Variants in IMMP2L observed in about 807,000 individuals in gnomAD.
IMMP2L encodes the protein inner mitochondrial membrane peptidase subunit 2.
A neutral mutation model predicts 19.3 loss-of-function variants in IMMP2L; 18 were observed. The ratio of observed to expected loss-of-function variants is 0.93; its 90% confidence interval spans 0.64 to 1.38. The LOEUF is 1.38. IMMP2L is among the 40% of genes most tolerant of loss of function. IMMP2L has a pLI of 0.00. For missense variants in IMMP2L, 233 were observed against 218.2 expected (o/e 1.07, Z -0.43); for synonymous variants, 76 against 73.0 (o/e 1.04, Z -0.21).
At chr7:111,501,965 C>T (rs568742956) in intron 2 of IMMP2L, among the ~76,000 whole-genome samples, 1 of 152,220 alleles carries the variant, frequency 6.6e-6, no homozygotes, top group South Asian at 2.1e-4. Flanking sequence ...CAAATTCACA[C>T]ATAACAATAT....
At chr7:111,496,371 T>C (rs1843593891) in intron 2 of IMMP2L, among the ~76,000 whole-genome samples, 1 of 152,112 alleles carries the variant, frequency 6.6e-6, no homozygotes, top group African/African-American at 2.4e-5. Context: ...CCCCTTCTGA[T>C]GGTTAATTTT....
At chr7:110,891,818 C>T (rs1563058843) in intron 4 of IMMP2L, among the ~76,000 whole-genome samples, 1 of 151,990 alleles carries the variant, frequency 6.6e-6, no homozygotes, top group East Asian at 1.9e-4. Context: ...GAATTCAATA[C>T]AGAGAGCTAA....
intron 2 of IMMP2L, among the ~76,000 whole-genome samples, chr7:111,501,601 C>T (rs1384479623): frequency 6.6e-6 from 1 of 152,150 alleles, no homozygotes; most frequent in Non-Finnish European, 1.5e-5. Flanking sequence ...CAAAGGGAAG[C>T]CCATCAGACA....
intron 5 of IMMP2L, among the ~76,000 whole-genome samples, chr7:110,867,661 T>G (rs1382668408): frequency 2.0e-5 from 3 of 151,980 alleles, no homozygotes; most frequent in Non-Finnish European, 4.4e-5. Context: ...TTCTTTGCCC[T>G]CATCTCTAGA....
chr7:111,358,765 T>C (rs975351388), intron 3 of IMMP2L, among the ~76,000 whole-genome samples: 7 of 152,092 alleles, frequency 4.6e-5, no homozygotes, highest in Non-Finnish European at 1.0e-4. Context: ...TATGCTGTTA[T>C]AGCAACCAAG....
At chr7:110,973,934 A>C (rs765922707) in intron 3 of IMMP2L, among the ~76,000 whole-genome samples, 10 of 152,118 alleles carry the variant, frequency 6.6e-5, no homozygotes, top group Non-Finnish European at 1.0e-4. Flanking sequence ...ATTAAGTCAA[A>C]ATGGGGCCAA....
chr7:111,476,010 G>A (rs1841688352), intron 3 of IMMP2L, among the ~76,000 whole-genome samples: 1 of 151,784 alleles, frequency 6.6e-6, no homozygotes, highest in South Asian at 2.1e-4. Context: ...ATATCCTGAG[G>A]GATTAATTCT....
At chr7:110,817,015 T>C (rs1802586441) in intron 5 of IMMP2L, among the ~76,000 whole-genome samples, 2 of 152,164 alleles carry the variant, frequency 1.3e-5, no homozygotes, top group Admixed American at 1.3e-4. Flanking sequence ...CATTATGATG[T>C]TAGCTGGTTA....
chr7:111,072,478 TGTGTAA>T (rs1795037761), intron 3 of IMMP2L, among the ~76,000 whole-genome samples: 1 of 151,812 alleles, frequency 6.6e-6, no homozygotes, highest in Non-Finnish European at 1.5e-5. Context: ...ACTCTCAAAA[TGTGTAA>T]CCTCAATCCA....
At chr7:110,824,134 A>G (rs948498982) in intron 5 of IMMP2L, among the ~76,000 whole-genome samples, 1 of 152,146 alleles carries the variant, frequency 6.6e-6, no homozygotes, top group Non-Finnish European at 1.5e-5. Context: ...ACTAGTTTAC[A>G]TTATAATTAT....
At chr7:111,273,452 T>C (rs1401097857) in intron 3 of IMMP2L, among the ~76,000 whole-genome samples, 1 of 151,564 alleles carries the variant, frequency 6.6e-6, no homozygotes, top group East Asian at 1.9e-4. Context: ...ACAGGAAAAA[T>C]ATGGAAAACT....
chr7:111,212,172 A>C (rs978245392), intron 3 of IMMP2L, among the ~76,000 whole-genome samples: 18 of 150,024 alleles, frequency 1.2e-4, no homozygotes, highest in African/African-American at 2.7e-4. Flanking sequence ...CTCTATCTCT[A>C]TCTCTCTCTC....
rs1800884505 is a variant in IMMP2L, at chr7:111,123,361, G to A, written c.240-159796C>T. The A allele has an allele frequency of 2.5e-6, 4 of 1,613,432 alleles. No homozygotes were observed. Among genetic ancestry groups the A allele is most frequent in the African/African-American group, 1.3e-5 (1 of 74,860 alleles). On this transcript the variant is annotated intron_variant, in intron 3 of 5. Transcript: ENST00000405709. The surrounding 1 kb of genome is among the most constrained non-coding windows in gnomAD (Gnocchi z 6.4). ...AAATCTAGAGATTCTGATGATTGGG[G>A]AAAATCCAATTATCAGAATCAAAGA...
chr7:110,820,883 C>T (rs1802964282), intron 5 of IMMP2L, among the ~76,000 whole-genome samples: 1 of 152,032 alleles, frequency 6.6e-6, no homozygotes, highest in Non-Finnish European at 1.5e-5. Context: ...CCTGAGCTCT[C>T]TTTTCCTCAT....
At chr7:110,964,178 C>T (rs538665425) in intron 3 of IMMP2L, among the ~76,000 whole-genome samples, 2 of 152,142 alleles carry the variant, frequency 1.3e-5, no homozygotes, top group African/African-American at 2.4e-5. Flanking sequence ...GTCAATTAAA[C>T]CTCTTTTCTT....
intron 3 of IMMP2L, among the ~76,000 whole-genome samples, chr7:111,355,124 A>G (rs185332637): frequency 1.3e-5 from 2 of 151,868 alleles, no homozygotes; most frequent in Non-Finnish European, 2.9e-5. Flanking sequence ...ATAATACAGT[A>G]CTCTAAAACT....
chr7:111,129,353 A>G (rs1038091456), intron 3 of IMMP2L, among the ~76,000 whole-genome samples: 2 of 151,754 alleles, frequency 1.3e-5, no homozygotes, highest in African/African-American at 4.8e-5. Context: ...GTTTCCCACG[A>G]CATTATAGCA....
At chr7:111,070,238 A>T (rs1207264698) in intron 3 of IMMP2L, among the ~76,000 whole-genome samples, 1 of 152,332 alleles carries the variant, frequency 6.6e-6, no homozygotes, top group East Asian at 1.9e-4. Flanking sequence ...CCACAAAACT[A>T]CAAAGGGTTG....
At chr7:110,783,629 A>G (rs1043319914) in intron 5 of IMMP2L, among the ~76,000 whole-genome samples, 2 of 151,956 alleles carry the variant, frequency 1.3e-5, no homozygotes, top group African/African-American at 4.8e-5. Context: ...AAGGGTTTTC[A>G]CAGCATTTTA....
Sources: allele counts gnomAD v4.1 joint callset (sites outside exome capture counted in the v4.1 genomes callset), GRCh38; gene constraint gnomAD v4.1.1; non-coding constraint Gnocchi (gnomAD v3.1); transcripts MANE v1.5; gene names NCBI Gene and HGNC (gene_info 2026-07-23, HGNC 2026-07-21).